LRCH2: variants seen among roughly 807,000 people sequenced by gnomAD.
The protein encoded by LRCH2 is leucine-rich repeat and calponin homology domain-containing protein 2.
LRCH2 carries 38 observed loss-of-function variants against 68.9 expected under a neutral mutation model. That is an observed-to-expected ratio of 0.55 (90% confidence interval 0.43 to 0.72). The LOEUF (loss-of-function observed/expected upper bound fraction) is 0.72. LRCH2 is among the 30% of genes least tolerant of loss of function. The probability of loss-of-function intolerance (pLI) is 0.00; values close to 1 mark genes in which losing one functional copy is unlikely to be tolerated. For missense variants in LRCH2, 528 were observed against 572.9 expected, an observed-to-expected ratio of 0.92 and a Z score of 0.80; for synonymous variants, 191 against 208.1, an observed-to-expected ratio of 0.92 and a Z score of 0.71.
intron 1 of LRCH2, among the ~76,000 whole-genome samples, chrX:115,197,056 CAG>C (rs2072892588): frequency 9.0e-6 from 1 of 110,954 alleles, no homozygotes; most frequent in Admixed American, 9.5e-5. Context: ...ACAAATTATA[CAG>C]AGTCTTCACT....
chrX:115,197,847 TCACACACACA>T (rs1556564243), intron 1 of LRCH2, among the ~76,000 whole-genome samples: 2 of 20,569 alleles, frequency 9.7e-5, no homozygotes, highest in African/African-American at 3.9e-4. Context: ...TCTCTCTCTC[TCACACACACA>T]CACACACACA....
intron 1 of LRCH2, among the ~76,000 whole-genome samples, chrX:115,218,532 T>C (rs2073056868): frequency 1.8e-5 from 2 of 112,755 alleles, no homozygotes; most frequent in Admixed American, 1.9e-4. Flanking sequence ...GACTTTTGCA[T>C]AGGCGTATAA....
chrX:115,182,079 A>T (rs782406749), intron 3 of LRCH2, among the ~76,000 whole-genome samples: 1 of 111,829 alleles, frequency 8.9e-6, no homozygotes, highest in East Asian at 2.8e-4. Flanking sequence ...ATATGTAAAT[A>T]TTACTATTGT....
At chrX:115,191,211 C>G in intron 1 of LRCH2, 1 of 1,155,508 alleles carries the variant, frequency 8.7e-7, no homozygotes, top group Non-Finnish European at 1.2e-6. Flanking sequence ...GAGGAGGCTG[C>G]TACGAGGAGT....
chrX:115,222,165 C>A (rs1471798763), intron 1 of LRCH2, among the ~76,000 whole-genome samples: 1 of 111,164 alleles, frequency 9.0e-6, no homozygotes, highest in Non-Finnish European at 1.9e-5. Context: ...ATATGATTAA[C>A]TCGATAGAAC....
chrX:115,213,233 G>T (rs2073020147), intron 1 of LRCH2, among the ~76,000 whole-genome samples: 1 of 112,022 alleles, frequency 8.9e-6, no homozygotes, highest in Admixed American at 9.4e-5. Context: ...ATGAAGCCAT[G>T]GTGAACTGTC....
At chrX:115,218,560 CTGAT>C (rs1556572459) in intron 1 of LRCH2, among the ~76,000 whole-genome samples, 1 of 112,565 alleles carries the variant, frequency 8.9e-6, no homozygotes, top group African/African-American at 3.2e-5. Flanking sequence ...ACTTCAGCCT[CTGAT>C]TGTTTGTTTT....
chrX:115,160,616 A>C (rs935495245), intron 11 of LRCH2, among the ~76,000 whole-genome samples: 6 of 111,956 alleles, frequency 5.4e-5, no homozygotes, highest in African/African-American at 1.9e-4. Flanking sequence ...AAGACTAAAA[A>C]CAAACAAAAT....
intron 12 of LRCH2, among the ~76,000 whole-genome samples, chrX:115,151,114 T>C (rs782066983): frequency 1.8e-5 from 2 of 111,566 alleles, no homozygotes; most frequent in South Asian, 7.5e-4. Context: ...GAAGTATTTT[T>C]TGGTTTGTTT....
At chrX:115,219,682 G>GTCA (rs2073065532) in intron 1 of LRCH2, among the ~76,000 whole-genome samples, 1 of 111,956 alleles carries the variant, frequency 8.9e-6, no homozygotes. Flanking sequence ...CTGCAGCTAT[G>GTCA]TCATTTTATA....
chrX:115,133,981 C>T, intron 14 of LRCH2, among the ~76,000 whole-genome samples: 1 of 112,293 alleles, frequency 8.9e-6, no homozygotes, highest in East Asian at 2.8e-4. Context: ...ATTAACCAAG[C>T]TGTGAATGCA....
At position 115,118,474 on chromosome X, in the gene LRCH2, G is replaced by A. The variant is rs782354793; in HGVS notation, c.2178+4053C>T. Among the ~76,000 whole-genome samples, 891 of 108,507 alleles carry A rather than the reference G, an allele frequency of 8.2e-3. 13 individuals carry two copies. The highest frequency in any genetic ancestry group is 0.029 in the African/African-American group (862 of 29,553). 94.2% of individuals were successfully genotyped at this position (108,507 alleles called of 115,157 possible). On this transcript the variant is annotated intron_variant, in intron 20 of 20. Transcript: ENST00000317135. ...CCTCCCAAGACTAAACCAGGAAGAA[G>A]TTGAATCTCTGAATAGACCAATAAC...
chrX:115,233,718 G>T lies in LRCH2; in HGVS notation c.324C>A (p.Tyr108Ter). Residue 108 changes from tyrosine to a stop codon, truncating the protein, a stop_gained, in exon 1 of 21, where the codon TAC becomes TAA. Coordinates refer to ENST00000317135, the MANE Select transcript of LRCH2 (RefSeq NM_020871.4). LOFTEE classifies it high-confidence loss of function. Reference protein sequence around the residue: ...RKLRDFPGSGYDLTDTTQADL... With the variant: ...RKLRDFPGSG ...CTGCTTGGGTGGTGTCCGTCAGGTC[G>T]TAGCCGCTGCCCGGGAAGTCTCGGA... The T allele has an allele frequency of 1.7e-6, 2 of 1,173,039 alleles. No individual in the cohort carries two copies. The highest frequency in any genetic ancestry group is 2.3e-6 in the Non-Finnish European group (2 of 874,821).
At chrX:115,142,900 G>A (rs943526277) in intron 14 of LRCH2, among the ~76,000 whole-genome samples, 3 of 111,280 alleles carry the variant, frequency 2.7e-5, no homozygotes, top group Non-Finnish European at 5.7e-5. Flanking sequence ...AGGAGCTCAA[G>A]ACCAGCCTGG....
chrX:115,191,190 C>T, intron 1 of LRCH2: 1 of 1,161,520 alleles, frequency 8.6e-7, no homozygotes. Flanking sequence ...GCCAGAGCAA[C>T]CGCTACGGAG....
At chrX:115,185,004 G>T (rs782424788) in intron 2 of LRCH2, among the ~76,000 whole-genome samples, 22 of 112,096 alleles carry the variant, frequency 2.0e-4, no homozygotes, top group Admixed American at 2.8e-4. Flanking sequence ...AAATGTGCAT[G>T]CACTATGTTT....
chrX:115,120,943 T>C (rs1387637300), intron 20 of LRCH2, among the ~76,000 whole-genome samples: 1 of 103,001 alleles, frequency 9.7e-6, no homozygotes, highest in Admixed American at 1.1e-4. Context: ...ACACCGCATA[T>C]TCTCACTCAT....
Position 115,126,857 on chromosome X carries a change from G to C in LRCH2, c.1777C>G (p.Pro593Ala), listed in dbSNP as rs1556528296. The C allele has an allele frequency of 1.6e-5, 17 of 1,094,619 alleles. No individual in the cohort carries two copies. The highest frequency in any genetic ancestry group is 2.0e-5 in the Non-Finnish European group (17 of 837,295). The allele number at this position is 1,094,619 out of a possible 1,213,427, so 90.2% of individuals were successfully genotyped here. A position where few individuals can be genotyped will look rare whatever the true frequency, so the allele number is the denominator to read the frequency against. ...AGAACTTGTACCTCAGATGATACTG[G>C]AGATTGTGTTGACATATTAGCATTA... ...SDNANMSTQS[P>A]VSSEEYDRTD... The change falls in exon 16 of 21, where the codon CCA (proline) becomes GCA (alanine). Residue 593 changes from proline (P) to alanine (A), a missense_variant. Coordinates refer to ENST00000317135, the MANE Select transcript of LRCH2 (RefSeq NM_020871.4).
At chrX:115,177,046 CTTTTTTTTTTTT>C (rs35686915) in intron 5 of LRCH2, among the ~76,000 whole-genome samples, 1 of 66,655 alleles carries the variant, frequency 1.5e-5, no homozygotes. Context: ...CGCACCCAGC[CTTTTTTTTTTTT>C]TTTTTTTTTT....
Sources: allele counts gnomAD v4.1 joint callset (sites outside exome capture counted in the v4.1 genomes callset), GRCh38; gene constraint gnomAD v4.1.1; transcripts MANE v1.5; gene names NCBI Gene and HGNC (gene_info 2026-07-23, HGNC 2026-07-21).